The following SCN10A variants were observed in gnomAD, a reference collection of about 807,000 sequenced individuals.
SCN10A encodes the protein sodium voltage-gated channel alpha subunit 10.
In SCN10A, 162 loss-of-function variants were observed where a neutral mutation model predicts 170.7. The ratio of observed to expected loss-of-function variants is 0.95; its 90% CI spans 0.84 to 1.08. SCN10A has a LOEUF of 1.08. Ranked by LOEUF, SCN10A falls within the 50% of genes least tolerant of loss-of-function variation. The pLI is 0.00. For synonymous variants in SCN10A, 985 were observed against 904.6 expected (o/e 1.09, Z -1.59); for missense variants, 2,527 against 2,436.9 (o/e 1.04, Z -0.78).
Position 38,711,273 on chromosome 3 carries a change from T to C in SCN10A, c.4090-376A>G, listed in dbSNP as rs2063270878. On this transcript the variant is annotated intron_variant, in intron 23 of 27. Coordinates refer to ENST00000449082, the MANE Select transcript of SCN10A (RefSeq NM_006514.4). ...CAGCCACTTTCCCACCTTATGCACATGATGTAAGAATGGTATATCTTCCAG... is the reference window on the plus strand; with the variant it reads ...CAGCCACTTTCCCACCTTATGCACACGATGTAAGAATGGTATATCTTCCAG... 2.0e-5 allele frequency among the ~76,000 whole-genome samples: 3 copies of C among 152,186 alleles called. No homozygotes were observed. In the South Asian group the frequency reaches 6.2e-4, roughly 32 times the overall value.
intron 15 of SCN10A, among the ~76,000 whole-genome samples, chr3:38,735,316 A>G (rs2063549999): frequency 1.3e-5 from 2 of 152,220 alleles, no homozygotes; most frequent in Admixed American, 1.3e-4. Flanking sequence ...AAAATGTTAA[A>G]TATCAAAATG....
At chr3:38,723,295 G>T in intron 19 of SCN10A, 135 bp downstream of exon 19, 1 of 1,049,982 alleles carries the variant, frequency 9.5e-7, no homozygotes, top group Non-Finnish European at 1.4e-6. Context: ...TGATGCGGGC[G>T]CCCTCAAGCC....
intron 14 of SCN10A, 66 bp downstream of exon 14, chr3:38,742,225 A>C (rs2063639462): frequency 7.3e-6 from 8 of 1,098,328 alleles, no homozygotes; most frequent in Admixed American, 3.6e-5. Flanking sequence ...CCCGAACTGC[A>C]CCCTGCCATC....
chr3:38,764,149 G>A (rs1253114268), intron 5 of SCN10A, among the ~76,000 whole-genome samples: 2 of 152,208 alleles, frequency 1.3e-5, no homozygotes, highest in African/African-American at 4.8e-5. Flanking sequence ...GGACACCCAT[G>A]CAAATCTTTT....
At chr3:38,735,822 C>T (rs2063554652) in intron 15 of SCN10A, among the ~76,000 whole-genome samples, 1 of 152,198 alleles carries the variant, frequency 6.6e-6, no homozygotes. Context: ...TTTCCCTCCA[C>T]CTTCCTCTCT....
intron 1 of SCN10A, among the ~76,000 whole-genome samples, chr3:38,813,061 C>T (rs2064450822): frequency 6.6e-6 from 1 of 151,994 alleles, no homozygotes; most frequent in Non-Finnish European, 1.5e-5. Flanking sequence ...ATAAGTCTAC[C>T]TGTTATTCAC....
At chr3:38,734,355 G>C (rs1219423773) in intron 15 of SCN10A, among the ~76,000 whole-genome samples, 1 of 151,882 alleles carries the variant, frequency 6.6e-6, no homozygotes, top group Non-Finnish European at 1.5e-5. Flanking sequence ...GCATAATCTT[G>C]GAACCTTGAT....
chr3:38,792,268 G>A, intron 2 of SCN10A, 100 bp from the exon 3 acceptor site: 1 of 1,444,766 alleles, frequency 6.9e-7, no homozygotes, highest in Non-Finnish European at 9.4e-7. Context: ...AGGCTTATGA[G>A]CAAGAAGGGC....
intron 18 of SCN10A, among the ~76,000 whole-genome samples, 190 bp downstream of exon 18, chr3:38,724,984 G>A (rs1346370268): frequency 2.0e-5 from 3 of 152,160 alleles, no homozygotes; most frequent in Non-Finnish European, 4.4e-5. Context: ...GGTATATGGT[G>A]AAAGTTGAAA....
intron 15 of SCN10A, among the ~76,000 whole-genome samples, chr3:38,735,036 G>A (rs1227148371): frequency 6.6e-6 from 1 of 151,988 alleles, no homozygotes; most frequent in Non-Finnish European, 1.5e-5. Flanking sequence ...CAGGCATGGT[G>A]GTGGGTGCCT....
intron 1 of SCN10A, among the ~76,000 whole-genome samples, chr3:38,803,056 T>C (rs887718899): frequency 6.6e-6 from 1 of 152,132 alleles, no homozygotes; most frequent in Non-Finnish European, 1.5e-5. Flanking sequence ...AAAATGCTCA[T>C]CATCACTGGC....
intron 15 of SCN10A, among the ~76,000 whole-genome samples, chr3:38,738,546 TGTC>T (rs1199828677): frequency 6.6e-6 from 1 of 152,150 alleles, no homozygotes; most frequent in East Asian, 1.9e-4. Context: ...TGCCAACACT[TGTC>T]AGGACCTTGG....
intron 3 of SCN10A, among the ~76,000 whole-genome samples, chr3:38,790,026 G>C (rs151102881): frequency 1.1e-4 from 16 of 152,186 alleles, no homozygotes; most frequent in African/African-American, 3.9e-4. Context: ...GATGTGTCTA[G>C]TTTTACAGTT....
chr3:38,769,304 T>C (rs1307801170), intron 5 of SCN10A, among the ~76,000 whole-genome samples: 2 of 141,822 alleles, frequency 1.4e-5, no homozygotes, highest in Non-Finnish European at 3.0e-5. Context: ...AATGGCGCGA[T>C]CTCAGCTCAC....
chr3:38,805,615 G>A (rs761664868), intron 1 of SCN10A, among the ~76,000 whole-genome samples: 1 of 152,146 alleles, frequency 6.6e-6, no homozygotes, highest in Non-Finnish European at 1.5e-5. Context: ...GGACATATGA[G>A]TAAGCTGTCT....
intron 1 of SCN10A, among the ~76,000 whole-genome samples, chr3:38,804,988 C>A (rs1014920368): frequency 1.3e-5 from 2 of 152,088 alleles, no homozygotes; most frequent in African/African-American, 2.4e-5. Flanking sequence ...GTCATGTAGA[C>A]TCAGAGGGAG....
At chr3:38,700,872 C>G (rs2063149081) in intron 27 of SCN10A, among the ~76,000 whole-genome samples, 1 of 152,182 alleles carries the variant, frequency 6.6e-6, no homozygotes, top group Admixed American at 6.5e-5. Context: ...CCAGGTGAAG[C>G]TGGTGAGCAT....
At chr3:38,752,610 C>A in intron 11 of SCN10A, 98 bp from the exon 12 acceptor site, 1 of 1,002,510 alleles carries the variant, frequency 1.0e-6, no homozygotes, top group Admixed American at 3.3e-5. Context: ...TTCCCTGCCC[C>A]TGTCTTTATG....
At chr3:38,700,515 G>C (rs1012346462) in intron 27 of SCN10A, among the ~76,000 whole-genome samples, 2 of 152,194 alleles carry the variant, frequency 1.3e-5, no homozygotes, top group South Asian at 4.2e-4. Flanking sequence ...GGCATTGATG[G>C]TGGTGATGGT....
Sources: allele counts gnomAD v4.1 joint callset (sites outside exome capture counted in the v4.1 genomes callset), GRCh38; gene constraint gnomAD v4.1.1; transcripts MANE v1.5; gene names NCBI Gene and HGNC (gene_info 2026-07-23, HGNC 2026-07-21).